The following NWD1 variants were observed in gnomAD, a reference collection of about 807,000 sequenced individuals.
NWD1 encodes the protein NACHT and WD repeat domain containing 1.
NWD1 carries 129 observed loss-of-function variants against 135.1 expected under a neutral mutation model. That is an observed-to-expected ratio of 0.96 (90% CI 0.83 to 1.11). The LOEUF is 1.11. Among genes scored for constraint, NWD1 ranks in the 50% least tolerant of loss-of-function variants. NWD1 has a pLI of 0.00. For synonymous variants in NWD1, 773 were observed against 786.0 expected (o/e 0.98, Z 0.28); for missense variants, 1,740 against 1,851.3 (o/e 0.94, Z 1.10).
intron 4 of NWD1, among the ~76,000 whole-genome samples, chr19:16,740,158 G>T (rs1418304569): frequency 1.3e-5 from 2 of 151,812 alleles, no homozygotes; most frequent in Non-Finnish European, 2.9e-5. Flanking sequence ...CAGTTAGCTG[G>T]GGTGGTGGCT....
chr19:16,734,460 G>A (rs190776531), intron 3 of NWD1, among the ~76,000 whole-genome samples: 12 of 151,590 alleles, frequency 7.9e-5, no homozygotes, highest in Middle Eastern at 3.4e-3. Flanking sequence ...GCGTGAACCC[G>A]GGAGGCGGAG....
chr19:16,796,546 A>G (rs1053597064), intron 15 of NWD1, among the ~76,000 whole-genome samples: 6 of 152,212 alleles, frequency 3.9e-5, no homozygotes, highest in Admixed American at 3.9e-4. Context: ...TTTGGTTCAA[A>G]GGTACAGTTT....
chr19:16,738,294 T>C, intron 4 of NWD1: 1 of 440,918 alleles, frequency 2.3e-6, no homozygotes, highest in South Asian at 1.6e-5. Flanking sequence ...CATGGCCAGG[T>C]ATGGTGGCTC....
At chr19:16,791,252 A>T (rs906489300) in intron 13 of NWD1, 98 bp from the exon 14 acceptor site, 1 of 1,068,340 alleles carries the variant, frequency 9.4e-7, no homozygotes, top group East Asian at 2.4e-5. Flanking sequence ...AAGAAAATGC[A>T]TAAAGTATAC....
chr19:16,784,219 A>G (rs1292174987), intron 12 of NWD1, among the ~76,000 whole-genome samples: 1 of 151,806 alleles, frequency 6.6e-6, no homozygotes, highest in East Asian at 1.9e-4. Flanking sequence ...AAAAAAAAAA[A>G]AAGAAAAATT....
chr19:16,780,908 C>G (rs1969831464), intron 12 of NWD1, among the ~76,000 whole-genome samples: 1 of 152,134 alleles, frequency 6.6e-6, no homozygotes, highest in African/African-American at 2.4e-5. Flanking sequence ...ATCCTCTCGC[C>G]TTGTCCTTCC....
At chr19:16,759,188 G>A in intron 6 of NWD1, 37 bp from the exon 7 acceptor site, 1 of 1,541,488 alleles carries the variant, frequency 6.5e-7, no homozygotes, top group South Asian at 1.1e-5. Context: ...CAGAAGACAT[G>A]AGATGTGCCT....
At chr19:16,765,343 AT>A (rs750705263) in intron 10 of NWD1, 151 bp downstream of exon 10, 100 of 807,506 alleles carry the variant, frequency 1.2e-4, no homozygotes, top group East Asian at 1.9e-4. Flanking sequence ...TGCTTCTAGA[AT>A]TTTTTTTGAC....
Position 16,794,522 on chromosome 19 carries a change from G to A in NWD1, c.3273G>A (p.Val1091=), listed in dbSNP as rs1418819003. Reference sequence around the variant, plus strand: ...TTCCAGATGCTGTGAGGTTCCTGGTGGTCTCTGAAGATGAGTCCCTCCTCG... The same window carrying A: ...TTCCAGATGCTGTGAGGTTCCTGGTAGTCTCTGAAGATGAGTCCCTCCTCG... ...EKLPDAVRFL[V]VSEDESLLAA... Residue 1091 remains valine (V), a synonymous_variant, in exon 15 of 19, where the codon GTG becomes GTA. Coordinates refer to ENST00000524140, the MANE Select transcript of NWD1 (RefSeq NM_001007525.5). 1 of 1,611,146 alleles carries A rather than the reference G, an allele frequency of 6.2e-7. No homozygotes were observed. The highest frequency in any genetic ancestry group is 1.3e-5 in the African/African-American group (1 of 75,020).
chr19:16,750,201 C>G lies in NWD1; in HGVS notation c.1559C>G (p.Thr520Arg), dbSNP rs771814409. The change falls in exon 6 of 19, where the codon ACA (threonine) becomes AGA (arginine). Residue 520 changes from threonine to arginine, a missense_variant. By Grantham distance (71) the Thr-to-Arg change is moderately conservative (BLOSUM62 -1). Coordinates refer to ENST00000524140, the MANE Select transcript of NWD1 (RefSeq NM_001007525.5). ...AARRTLSPVH[T>R]DLLWASLPEC... is the part of the protein sequence containing the mutation. ...AGGAGGACGCTGAGCCCGGTGCACA[C>G]AGATTTGCTCTGGGCCAGCCTCCCA... is the stretch of plus-strand genomic sequence containing the variant. The G allele has an allele frequency of 1.2e-6, 2 of 1,613,216 alleles. No homozygotes were observed. The highest frequency in any genetic ancestry group is 2.2e-5 in the East Asian group (1 of 44,854).
chr19:16,749,178 A>AGGAC lies in NWD1; in HGVS notation c.537_540dup (p.Arg181GlyfsTer11). The AGGAC allele has an allele frequency of 6.2e-7, 1 of 1,612,702 alleles. No homozygotes were observed. Among genetic ancestry groups the AGGAC allele is most frequent in the South Asian group, 1.1e-5 (1 of 90,914 alleles). ...ATAGAGCGGAGCCTGCTGAGCTCAGAGGACCGGGAACAGGGAGCCACCGTC... is the reference window on the plus strand; with the variant it reads ...ATAGAGCGGAGCCTGCTGAGCTCAGAGGACGGACCGGGAACAGGGAGCCACCGTC... On this transcript the variant is annotated frameshift_variant, in exon 6 of 19. Coordinates refer to ENST00000524140, the MANE Select transcript of NWD1 (RefSeq NM_001007525.5). LOFTEE classifies it high-confidence loss of function.
intron 5 of NWD1, among the ~76,000 whole-genome samples, chr19:16,745,342 C>T (rs535169891): frequency 2.5e-3 from 379 of 152,150 alleles, no homozygotes; most frequent in Non-Finnish European, 4.4e-3. Context: ...GGTGAAGACA[C>T]AGCCAAACCA....
At chr19:16,775,022 A>T in intron 11 of NWD1, among the ~76,000 whole-genome samples, 1 of 152,076 alleles carries the variant, frequency 6.6e-6, no homozygotes, top group East Asian at 1.9e-4. Context: ...CCATCTATTT[A>T]TCTGCCCACC....
chr19:16,747,899 CATCCATTTCAATGGCCGAAT>C (rs1968390939), intron 5 of NWD1, among the ~76,000 whole-genome samples: 1 of 152,206 alleles, frequency 6.6e-6, no homozygotes, highest in South Asian at 2.1e-4. Flanking sequence ...GTGAGTACTT[CATCCATTTCAATGGCCGAAT>C]AGTATCCCAT....
At chr19:16,756,831 C>A (rs138255440) in intron 6 of NWD1, among the ~76,000 whole-genome samples, 28 of 152,252 alleles carry the variant, frequency 1.8e-4, no homozygotes, top group Admixed American at 1.1e-3. Flanking sequence ...TCTTGCTGCT[C>A]CTCATCACTC....
chr19:16,759,473 C>T, intron 7 of NWD1, 45 bp downstream of exon 7: 3 of 1,443,674 alleles, frequency 2.1e-6, no homozygotes, highest in Non-Finnish European at 2.8e-6. Flanking sequence ...GGGTGGGACC[C>T]CAAGAATGAG....
intron 7 of NWD1, among the ~76,000 whole-genome samples, chr19:16,761,572 A>G (rs1568360645): frequency 6.6e-6 from 1 of 151,920 alleles, no homozygotes; most frequent in Non-Finnish European, 1.5e-5. Flanking sequence ...CACGTTGGCC[A>G]GGCTGGTCTT....
intron 3 of NWD1, 50 bp from the exon 4 acceptor site, chr19:16,736,584 A>G: frequency 8.3e-7 from 1 of 1,199,162 alleles, no homozygotes; most frequent in Non-Finnish European, 1.2e-6. Flanking sequence ...TGAAAAAACA[A>G]ATCACCTGTC....
intron 3 of NWD1, among the ~76,000 whole-genome samples, chr19:16,735,856 AG>A (rs1967785661): frequency 1.9e-5 from 1 of 53,008 alleles, no homozygotes; most frequent in Non-Finnish European, 4.2e-5. Flanking sequence ...GAAGGAAGGA[AG>A]GAAGGAAGGA....
Sources: gnomAD v4.1 joint callset for allele counts (sites outside exome capture counted in the v4.1 genomes callset) on GRCh38, gnomAD v4.1.1 for gene constraint, MANE v1.5 for transcripts, NCBI Gene and HGNC (gene_info 2026-07-23, HGNC 2026-07-21) for gene names.